DEPTOR: variants seen among roughly 807,000 people sequenced by gnomAD.
The protein encoded by DEPTOR is DEP domain containing MTOR interacting protein.
Under a neutral mutation model 41.6 loss-of-function variants are expected in DEPTOR, and 41 were observed. The ratio of observed to expected loss-of-function variants is 0.98; its 90% CI spans 0.77 to 1.28. The LOEUF (loss-of-function observed/expected upper bound fraction) is 1.28. Among genes scored for constraint, DEPTOR ranks in the 50% most tolerant of loss-of-function variants. DEPTOR has a pLI of 0.00. For synonymous variants in DEPTOR, 195 were observed against 192.3 expected (o/e 1.01, Z -0.12); for missense variants, 514 against 527.9 (o/e 0.97, Z 0.26).
chr8:119,874,046 T>TC, intron 1 of DEPTOR, 78 bp downstream of exon 1: 1 of 1,581,172 alleles, frequency 6.3e-7, no homozygotes, highest in Non-Finnish European at 8.6e-7. Context: ...GCGCACGCGC[T>TC]CCCTGGCTCG....
chr8:119,886,199 C>T (rs1030220553), intron 1 of DEPTOR, among the ~76,000 whole-genome samples: 5 of 152,102 alleles, frequency 3.3e-5, no homozygotes, highest in Non-Finnish European at 7.4e-5. Flanking sequence ...TCTTGTAGCT[C>T]CTTCATGTGC....
intron 8 of DEPTOR, among the ~76,000 whole-genome samples, chr8:120,040,909 A>G (rs564592477): frequency 3.9e-5 from 6 of 152,296 alleles, no homozygotes; most frequent in African/African-American, 1.4e-4. Context: ...TGCTTTCTGT[A>G]TCATTTAATC....
At chr8:119,902,605 C>T (rs10101222) in intron 1 of DEPTOR, among the ~76,000 whole-genome samples, 7,583 of 152,214 alleles carry the variant, frequency 0.05, 296 homozygotes, top group South Asian at 0.17. Flanking sequence ...TCCCAAAGTG[C>T]TGGGATTACA....
chr8:119,912,995 A>C (rs928987273), intron 1 of DEPTOR, among the ~76,000 whole-genome samples: 9 of 152,100 alleles, frequency 5.9e-5, no homozygotes, highest in Non-Finnish European at 1.2e-4. Flanking sequence ...ATATTGGCTC[A>C]CTGCAACCTC....
intron 1 of DEPTOR, among the ~76,000 whole-genome samples, chr8:119,894,385 T>TTTATTTATTTATTTAA (rs1416668161): frequency 1.9e-5 from 1 of 52,984 alleles, no homozygotes; most frequent in African/African-American, 4.4e-5. Flanking sequence ...ATAGTTCTTT[T>TTTATTTATTTATTTAA]TTATTTATTT....
intron 1 of DEPTOR, among the ~76,000 whole-genome samples, chr8:119,916,266 ATTTTTTTTT>A (rs71304925): frequency 4.1e-5 from 5 of 123,292 alleles, no homozygotes; most frequent in Non-Finnish European, 6.7e-5. Flanking sequence ...GGCTAGGCTA[ATTTTTTTTT>A]TTTTTTTTTT....
chr8:120,007,361 G>A (rs1185299856), intron 7 of DEPTOR, among the ~76,000 whole-genome samples: 2 of 152,100 alleles, frequency 1.3e-5, no homozygotes, highest in African/African-American at 4.8e-5. Flanking sequence ...AGGAAACTGT[G>A]GGATAAACTT....
intron 1 of DEPTOR, among the ~76,000 whole-genome samples, chr8:119,916,951 G>C (rs781667380): frequency 1.3e-5 from 2 of 152,138 alleles, no homozygotes; most frequent in Non-Finnish European, 2.9e-5. Flanking sequence ...AATTTTTGTT[G>C]CTAGAGATGG....
chr8:119,982,695 G>T (rs942946975), intron 4 of DEPTOR, among the ~76,000 whole-genome samples: 1 of 152,178 alleles, frequency 6.6e-6, no homozygotes, highest in Non-Finnish European at 1.5e-5. Context: ...TCTCTCTCCT[G>T]TTCTTAGTGT....
chr8:119,926,808 A>G (rs1230862955), intron 1 of DEPTOR, among the ~76,000 whole-genome samples: 1 of 152,174 alleles, frequency 6.6e-6, no homozygotes, highest in Non-Finnish European at 1.5e-5. Context: ...TAAGTTTTAG[A>G]TAATAAATAT....
intron 1 of DEPTOR, chr8:119,874,279 CCG>C: frequency 2.7e-6 from 1 of 377,284 alleles, no homozygotes. Flanking sequence ...GTCCGTCTTC[CCG>C]TGTACCTGGA....
At chr8:119,945,124 A>G (rs1036607464) in intron 3 of DEPTOR, among the ~76,000 whole-genome samples, 3 of 152,202 alleles carry the variant, frequency 2.0e-5, no homozygotes, top group African/African-American at 7.2e-5. Flanking sequence ...TGGTATACAT[A>G]CATAGCATAT....
At chr8:119,892,416 G>T (rs191813882) in intron 1 of DEPTOR, among the ~76,000 whole-genome samples, 8 of 152,300 alleles carry the variant, frequency 5.3e-5, no homozygotes, top group African/African-American at 1.9e-4. Context: ...CATTGATTTT[G>T]TACTGCATCT....
intron 1 of DEPTOR, among the ~76,000 whole-genome samples, chr8:119,877,846 A>T (rs956773449): frequency 6.6e-6 from 1 of 152,236 alleles, no homozygotes; most frequent in Non-Finnish European, 1.5e-5. Context: ...TAAATCGATA[A>T]AGCAAGAAGA....
intron 2 of DEPTOR, among the ~76,000 whole-genome samples, chr8:119,929,561 T>TATG (rs3834882): frequency 1.4e-3 from 217 of 151,522 alleles, no homozygotes; most frequent in Admixed American, 1.8e-3. Flanking sequence ...ACTTCCTAAA[T>TATG]ATGATGATGA....
chr8:119,975,328 T>G (rs2130001012), intron 4 of DEPTOR, among the ~76,000 whole-genome samples: 1 of 152,146 alleles, frequency 6.6e-6, no homozygotes, highest in Middle Eastern at 3.4e-3. Flanking sequence ...TGCAACTTTC[T>G]CAAGACTATA....
intron 3 of DEPTOR, among the ~76,000 whole-genome samples, chr8:119,955,255 A>T (rs1313992739): frequency 6.6e-6 from 1 of 152,088 alleles, no homozygotes; most frequent in Admixed American, 6.6e-5. Context: ...TCTTGATGGT[A>T]TTGTTTGTAG....
At chr8:120,004,914 GT>G (rs1196024285) in intron 6 of DEPTOR, among the ~76,000 whole-genome samples, 2 of 151,496 alleles carry the variant, frequency 1.3e-5, no homozygotes, top group South Asian at 2.1e-4. Flanking sequence ...ACCAGGATAT[GT>G]TTTTTTAGTA....
chr8:120,030,171 C>T (rs7835799), intron 8 of DEPTOR, among the ~76,000 whole-genome samples: 22,569 of 151,986 alleles, frequency 0.15, 2,500 homozygotes, highest in African/African-American at 0.31. Flanking sequence ...AATACTATGG[C>T]GGACCCTCAT....
Sources: gnomAD v4.1 joint callset for allele counts (sites outside exome capture counted in the v4.1 genomes callset) on GRCh38, gnomAD v4.1.1 for gene constraint, MANE v1.5 for transcripts, NCBI Gene and HGNC (gene_info 2026-07-23, HGNC 2026-07-21) for gene names.